The following PAPSS1 variants were observed in gnomAD, a reference collection of about 807,000 sequenced individuals.
The protein encoded by PAPSS1 is bifunctional 3'-phosphoadenosine 5'-phosphosulfate synthase 1.
PAPSS1 carries 50 observed loss-of-function variants against 72.0 expected under a neutral mutation model. The ratio of observed to expected loss-of-function variants is 0.69; its 90% CI spans 0.55 to 0.88. The LOEUF (loss-of-function observed/expected upper bound fraction) is 0.88. Ranked by LOEUF, PAPSS1 falls within the 40% of genes least tolerant of loss-of-function variation. The pLI is 0.00. For synonymous variants in PAPSS1, 261 were observed against 263.6 expected, an observed-to-expected ratio of 0.99 and a Z score of 0.09; for missense variants, 657 against 782.2, an observed-to-expected ratio of 0.84 and a Z score of 1.91.
chr4:107,648,180 C>G (rs1726741420), intron 9 of PAPSS1, among the ~76,000 whole-genome samples: 1 of 152,194 alleles, frequency 6.6e-6, no homozygotes, highest in African/African-American at 2.4e-5. Context: ...AGTCTGATCC[C>G]TTTCCTTCCA....
At chr4:107,649,276 G>A (rs1390558231) in intron 9 of PAPSS1, among the ~76,000 whole-genome samples, 3 of 152,186 alleles carry the variant, frequency 2.0e-5, no homozygotes, top group East Asian at 1.9e-4. Context: ...CTGCCTCAGC[G>A]CGTGATTCTG....
chr4:107,647,635 T>A (rs1256178242), intron 9 of PAPSS1, among the ~76,000 whole-genome samples: 2 of 152,138 alleles, frequency 1.3e-5, no homozygotes, highest in East Asian at 3.9e-4. Flanking sequence ...GAAAGCATGG[T>A]CTTTTGTTTT....
intron 5 of PAPSS1, among the ~76,000 whole-genome samples, chr4:107,672,011 CA>C (rs765720954): frequency 3.3e-5 from 5 of 152,040 alleles, no homozygotes; most frequent in Admixed American, 6.6e-5. Context: ...ACAAAAAACT[CA>C]AACAAAACTA....
At chr4:107,706,177 T>A (rs748404379) in intron 1 of PAPSS1, among the ~76,000 whole-genome samples, 2 of 152,228 alleles carry the variant, frequency 1.3e-5, no homozygotes, top group Non-Finnish European at 1.5e-5. Context: ...TGTACTTATT[T>A]ATACCTTTCC....
intron 3 of PAPSS1, among the ~76,000 whole-genome samples, chr4:107,687,512 T>C (rs187800624): frequency 1.3e-5 from 2 of 152,302 alleles, no homozygotes; most frequent in African/African-American, 4.8e-5. Context: ...TTCTCTCTAA[T>C]ATCACATTCA....
At chr4:107,634,645 T>C (rs1344117222) in intron 10 of PAPSS1, among the ~76,000 whole-genome samples, 2 of 152,132 alleles carry the variant, frequency 1.3e-5, no homozygotes, top group African/African-American at 2.4e-5. Context: ...ATTTGGTTCA[T>C]AGGGTTCCTA....
chr4:107,680,566 G>A (rs1727778792), intron 5 of PAPSS1, among the ~76,000 whole-genome samples: 1 of 152,156 alleles, frequency 6.6e-6, no homozygotes, highest in Non-Finnish European at 1.5e-5. Context: ...CTTCCTAGGA[G>A]TTAAACACTC....
chr4:107,691,498 A>G (rs1470624426), intron 3 of PAPSS1, among the ~76,000 whole-genome samples: 1 of 152,182 alleles, frequency 6.6e-6, no homozygotes, highest in African/African-American at 2.4e-5. Flanking sequence ...AGGGCTTCCC[A>G]AGGGAGTATG....
At chr4:107,712,015 A>G (rs1723508144) in intron 1 of PAPSS1, among the ~76,000 whole-genome samples, 1 of 152,346 alleles carries the variant, frequency 6.6e-6, no homozygotes, top group South Asian at 2.1e-4. Context: ...CTGAATCAGG[A>G]CTAAGTTACT....
intron 10 of PAPSS1, among the ~76,000 whole-genome samples, chr4:107,640,903 C>T (rs147700530): frequency 6.6e-6 from 1 of 152,304 alleles, no homozygotes; most frequent in Non-Finnish European, 1.5e-5. Flanking sequence ...GCCTCTTAGT[C>T]TCCCTAGAAA....
intron 3 of PAPSS1, among the ~76,000 whole-genome samples, chr4:107,691,085 T>C (rs1454564764): frequency 2.6e-5 from 4 of 152,076 alleles, no homozygotes; most frequent in Non-Finnish European, 5.9e-5. Context: ...TTACAGAATG[T>C]TTTAGGACTC....
chr4:107,704,976 A>G (rs1286226732), intron 1 of PAPSS1, among the ~76,000 whole-genome samples: 2 of 151,942 alleles, frequency 1.3e-5, no homozygotes, highest in South Asian at 2.1e-4. Flanking sequence ...AAAATTGCCT[A>G]TGTTGAACCA....
intron 5 of PAPSS1, among the ~76,000 whole-genome samples, chr4:107,663,748 C>T (rs956796312): frequency 6.6e-6 from 1 of 152,188 alleles, no homozygotes; most frequent in African/African-American, 2.4e-5. Flanking sequence ...CTCATAGAAT[C>T]CTCTGCACAA....
chr4:107,621,456 C>T (rs1048650928), intron 11 of PAPSS1, among the ~76,000 whole-genome samples: 7 of 151,876 alleles, frequency 4.6e-5, no homozygotes, highest in East Asian at 1.9e-4. Flanking sequence ...TTTTTAAATG[C>T]TCTCGTAATT....
chr4:107,678,403 G>A (rs1727718158), intron 5 of PAPSS1, among the ~76,000 whole-genome samples: 1 of 152,018 alleles, frequency 6.6e-6, no homozygotes, highest in South Asian at 2.1e-4. Flanking sequence ...CACCTAACAA[G>A]TGAAAAGGCC....
At position 107,718,295 on chromosome 4, in the gene PAPSS1, CA is replaced by C. The variant is rs1277264051; in HGVS notation, c.60+1824del. On this transcript the variant is annotated intron_variant, in intron 1 of 11. Coordinates refer to ENST00000265174, the MANE Select transcript of PAPSS1 (RefSeq NM_005443.5). ...CATAGAATCAAGTCTTCTCTGCAGC[CA>C]AACACAAGAGCATCACGGAGCCCCA... 5 of 152,332 alleles carry C rather than the reference CA, an allele frequency of 3.3e-5. No homozygotes were observed. The East Asian group carries it at 9.6e-4, about 29-fold the overall frequency. The allele number at this position is 152,332 out of a possible 1,614,324, so 9.4% of individuals were successfully genotyped here.
At position 107,709,756 on chromosome 4, in the gene PAPSS1, A is replaced by G. The variant is rs76450421; in HGVS notation, c.61-8471T>C. ...CACTAGGACTATCTTCCACACCCCT[A>G]TGATTACATCCCCAACGAACTGGCT... On this transcript the variant is annotated intron_variant, in intron 1 of 11. Coordinates refer to ENST00000265174, the MANE Select transcript of PAPSS1 (RefSeq NM_005443.5). Among the ~76,000 whole-genome samples the G allele has an allele frequency of 5.4e-3, 821 of 152,284 alleles. 8 individuals are homozygous for G. Among genetic ancestry groups the G allele is most frequent in the African/African-American group, 0.019 (770 of 41,558 alleles).
chr4:107,662,612 A>AG (rs1349285102), intron 5 of PAPSS1, among the ~76,000 whole-genome samples: 2 of 152,064 alleles, frequency 1.3e-5, no homozygotes, highest in African/African-American at 2.4e-5. Flanking sequence ...AAAAAAAAAA[A>AG]GGACTCTTCC....
chr4:107,651,089 T>C lies in PAPSS1; in HGVS notation c.1237+2402A>G, dbSNP rs979860505. On this transcript the variant is annotated intron_variant, in intron 9 of 11. Coordinates refer to ENST00000265174, the MANE Select transcript of PAPSS1 (RefSeq NM_005443.5). ...GAGAAATGAGCTGTTATACAGGCAG[T>C]ACCAAGTATAGCACTCAAAGAAGTT... Among the ~76,000 whole-genome samples, 27 of 152,342 alleles carry C rather than the reference T, an allele frequency of 1.8e-4. No individual in the cohort carries two copies. The South Asian group carries it at 4.3e-3, about 25-fold the overall frequency.
Sources: gnomAD v4.1 joint callset for allele counts (sites outside exome capture counted in the v4.1 genomes callset) on GRCh38, gnomAD v4.1.1 for gene constraint, MANE v1.5 for transcripts, NCBI Gene and HGNC (gene_info 2026-07-23, HGNC 2026-07-21) for gene names.